MAGI2: variants seen among roughly 807,000 people sequenced by gnomAD.
The protein encoded by MAGI2 is membrane associated guanylate kinase, WW and PDZ domain containing 2.
MAGI2 carries 35 observed loss-of-function variants against 133.3 expected under a neutral mutation model. The ratio of observed to expected loss-of-function variants is 0.26; its 90% CI spans 0.20 to 0.35. The LOEUF is 0.35. Among genes scored for constraint, MAGI2 ranks in the 10% least tolerant of loss-of-function variants. MAGI2 has a pLI of 1.00. For synonymous variants in MAGI2, 729 were observed against 710.6 expected, an observed-to-expected ratio of 1.03 and a Z score of -0.41; for missense variants, 1,636 against 1,863.4, an observed-to-expected ratio of 0.88 and a Z score of 2.25.
At chr7:78,048,616 A>G (rs1394563447) in intron 21 of MAGI2, among the ~76,000 whole-genome samples, 2 of 152,122 alleles carry the variant, frequency 1.3e-5, no homozygotes, top group East Asian at 1.9e-4. Flanking sequence ...TTTTCTTCCT[A>G]TAATATTTCT....
Position 78,129,921 on chromosome 7 carries a change from G to A in MAGI2, c.3204-2505C>T, listed in dbSNP as rs1423630438. 8.2e-5 allele frequency among the ~76,000 whole-genome samples: 11 copies of A among 133,948 alleles called. No homozygotes were observed. In the Admixed American group the frequency reaches 8.7e-4, roughly 11 times the overall value. 87.9% of individuals were successfully genotyped at this position (133,948 alleles called of 152,430 possible). A position where few individuals can be genotyped will look rare whatever the true frequency, so the allele number is the denominator to read the frequency against. On this transcript the variant is annotated intron_variant, in intron 18 of 21. Transcript: ENST00000354212. ...TTGCACTCCAGCCTGGGCAACAAGA[G>A]GGAAACTCCGCCTCAAAAAAAAAAA...
chr7:79,430,287 T>C (rs896271883), intron 1 of MAGI2, among the ~76,000 whole-genome samples: 1 of 152,146 alleles, frequency 6.6e-6, no homozygotes, highest in Non-Finnish European at 1.5e-5. Flanking sequence ...TTCACAATTA[T>C]AGCTACATGG....
chr7:78,219,677 T>TC (rs953338855), intron 10 of MAGI2, among the ~76,000 whole-genome samples: 5 of 152,136 alleles, frequency 3.3e-5, no homozygotes, highest in African/African-American at 7.2e-5. Context: ...AACTTGCCCT[T>TC]CTCCAACAGT....
At chr7:79,093,935 A>T (rs574287531) in intron 1 of MAGI2, among the ~76,000 whole-genome samples, 1 of 152,014 alleles carries the variant, frequency 6.6e-6, no homozygotes, top group East Asian at 1.9e-4. Context: ...GGATGGTCTC[A>T]AACTCCTGAC....
intron 21 of MAGI2, among the ~76,000 whole-genome samples, chr7:78,030,123 C>T (rs1809409533): frequency 6.6e-6 from 1 of 152,134 alleles, no homozygotes; most frequent in South Asian, 2.1e-4. Flanking sequence ...AGTCATGTAA[C>T]ATTTTCAGCC....
intron 1 of MAGI2, among the ~76,000 whole-genome samples, chr7:79,030,512 T>C (rs1810459971): frequency 6.6e-6 from 1 of 152,218 alleles, no homozygotes; most frequent in African/African-American, 2.4e-5. Flanking sequence ...TTTTTGTTTT[T>C]GTTTGTTCCT....
At chr7:78,185,707 T>C in intron 12 of MAGI2, 37 bp from the exon 13 acceptor site, 3 of 1,475,288 alleles carry the variant, frequency 2.0e-6, no homozygotes, top group Non-Finnish European at 2.8e-6. Context: ...TTGAAATTCA[T>C]TTATGGCATT....
At chr7:78,394,636 C>T (rs1192116575) in intron 6 of MAGI2, among the ~76,000 whole-genome samples, 1 of 152,236 alleles carries the variant, frequency 6.6e-6, no homozygotes, top group Non-Finnish European at 1.5e-5. Flanking sequence ...AAAATAGCCA[C>T]TGCTACATTT....
intron 2 of MAGI2, among the ~76,000 whole-genome samples, chr7:78,969,605 A>AGTT (rs1394354367): frequency 6.6e-6 from 1 of 151,996 alleles, no homozygotes; most frequent in African/African-American, 2.4e-5. Context: ...TTCTTTATGC[A>AGTT]GTTTATAGCC....
intron 2 of MAGI2, among the ~76,000 whole-genome samples, chr7:78,788,539 AT>A (rs1223541833): frequency 6.9e-6 from 1 of 144,908 alleles, no homozygotes; most frequent in African/African-American, 2.5e-5. Flanking sequence ...GGATCTCTTC[AT>A]TTTTTTTTAA....
chr7:79,010,045 T>TAC (rs1014943901), intron 1 of MAGI2, among the ~76,000 whole-genome samples: 1 of 152,068 alleles, frequency 6.6e-6, no homozygotes, highest in African/African-American at 2.4e-5. Context: ...CATATATATA[T>TAC]ACACACACAT....
At chr7:78,952,254 T>A (rs1157544331) in intron 2 of MAGI2, among the ~76,000 whole-genome samples, 5 of 152,178 alleles carry the variant, frequency 3.3e-5, no homozygotes, top group Non-Finnish European at 5.9e-5. Flanking sequence ...GGTCATTGTC[T>A]CTGCCATTTG....
intron 6 of MAGI2, among the ~76,000 whole-genome samples, chr7:78,481,936 A>G (rs1217109169): frequency 6.6e-6 from 1 of 151,934 alleles, no homozygotes; most frequent in Non-Finnish European, 1.5e-5. Flanking sequence ...AAAAATATTT[A>G]TCTGTAAAAG....
intron 1 of MAGI2, among the ~76,000 whole-genome samples, chr7:79,230,635 G>A (rs1831285167): frequency 6.7e-6 from 1 of 149,230 alleles, no homozygotes; most frequent in South Asian, 2.1e-4. Context: ...TTTTTGATGG[G>A]GTTGTTTGTT....
At chr7:78,199,885 G>C (rs1312897034) in intron 11 of MAGI2, among the ~76,000 whole-genome samples, 3 of 152,174 alleles carry the variant, frequency 2.0e-5, no homozygotes, top group African/African-American at 7.2e-5. Flanking sequence ...TACGTATAAG[G>C]AAATCACTAG....
At chr7:78,628,247 T>C (rs1808579934) in intron 2 of MAGI2, among the ~76,000 whole-genome samples, 1 of 151,966 alleles carries the variant, frequency 6.6e-6, no homozygotes. Context: ...TACATAGGCA[T>C]TTTGCATGGT....
At chr7:78,592,096 T>G (rs1399427898) in intron 3 of MAGI2, among the ~76,000 whole-genome samples, 1 of 152,174 alleles carries the variant, frequency 6.6e-6, no homozygotes, top group Non-Finnish European at 1.5e-5. Context: ...CACATCTCAC[T>G]AATAGGGGTT....
chr7:78,856,631 A>G (rs1793660182), intron 2 of MAGI2, among the ~76,000 whole-genome samples: 1 of 152,158 alleles, frequency 6.6e-6, no homozygotes, highest in Admixed American at 6.5e-5. Context: ...TGGTACCAGT[A>G]CTATGCTGTT....
chr7:79,266,832 CAG>C (rs1335319797), intron 1 of MAGI2, among the ~76,000 whole-genome samples: 2 of 152,110 alleles, frequency 1.3e-5, no homozygotes, highest in Non-Finnish European at 2.9e-5. Context: ...CAAAGCAAGC[CAG>C]AGTCAAACAA....
Sources: allele counts gnomAD v4.1 joint callset (sites outside exome capture counted in the v4.1 genomes callset), GRCh38; gene constraint gnomAD v4.1.1; transcripts MANE v1.5; gene names NCBI Gene and HGNC (gene_info 2026-07-23, HGNC 2026-07-21).